Variants in SPNS2 observed in about 807,000 individuals in gnomAD.
SPNS2 encodes the protein sphingosine-1-phosphate transporter SPNS2.
A neutral mutation model predicts 57.6 loss-of-function variants in SPNS2; 37 were observed. That is an observed-to-expected ratio of 0.64 (90% CI 0.49 to 0.85). The LOEUF (loss-of-function observed/expected upper bound fraction) is 0.85, where lower values mean the gene tolerates loss of function less well. SPNS2 is among the 40% of genes least tolerant of loss of function. The pLI is 0.00. For synonymous variants in SPNS2, 440 were observed against 346.9 expected, an observed-to-expected ratio of 1.27 and a Z score of -2.98; for missense variants, 831 against 779.1, an observed-to-expected ratio of 1.07 and a Z score of -0.79.
chr17:4,513,427 G>A, intron 2 of SPNS2, 115 bp downstream of exon 2: 1 of 1,128,186 alleles, frequency 8.9e-7, no homozygotes, highest in South Asian at 1.3e-5. Context: ...CTCCTGGAAA[G>A]AGAGTGGGCT....
rs1904806511 is a variant in SPNS2, at chr17:4,510,659, CCCTCCTGCCT to C, written c.371-2580_371-2571del. Among the ~76,000 whole-genome samples the C allele has an allele frequency of 6.6e-6, 1 of 152,166 alleles. No homozygotes were observed. Among genetic ancestry groups the C allele is most frequent in the Non-Finnish European group, 1.5e-5 (1 of 68,020 alleles). On this transcript the variant is annotated intron_variant, in intron 1 of 12. Coordinates refer to ENST00000329078, the MANE Select transcript of SPNS2 (RefSeq NM_001124758.3). This position sits in a 1 kb window ranked among gnomAD's most constrained non-coding sequence, Gnocchi z 4.4. ...CCCTCCTCTGGACTATGGATGGGGA[CCCTCCTGCCT>C]CCTCCTGACTCCGCCCATCCTCTTG... is the stretch of plus-strand genomic sequence containing the variant.
At chr17:4,515,752 G>A (rs1449846951) in intron 2 of SPNS2, among the ~76,000 whole-genome samples, 1 of 152,134 alleles carries the variant, frequency 6.6e-6, no homozygotes, top group African/African-American at 2.4e-5. Flanking sequence ...TGCTTGCCCA[G>A]ATCAAAGGGC....
chr17:4,533,235 C>A lies in SPNS2; in HGVS notation c.1089-8C>A. 1 of 1,593,452 alleles carries A rather than the reference C, an allele frequency of 6.3e-7. No homozygotes were observed. Among genetic ancestry groups the A allele is most frequent in the East Asian group, 2.2e-5 (1 of 44,518 alleles). On this transcript the variant is annotated splice_polypyrimidine_tract_variant and splice_region_variant and intron_variant, in intron 7 of 12. Coordinates refer to ENST00000329078, the MANE Select transcript of SPNS2 (RefSeq NM_001124758.3). ...CAACTCGTGCGCCACCATCCTCTGTCCCCACAGCCTCATCTTTGGGGCCAT... is the reference window on the plus strand; with the variant it reads ...CAACTCGTGCGCCACCATCCTCTGTACCCACAGCCTCATCTTTGGGGCCAT...
At chr17:4,535,806 C>T (rs1015531047) in intron 9 of SPNS2, among the ~76,000 whole-genome samples, 9 of 151,864 alleles carry the variant, frequency 5.9e-5, no homozygotes, top group Non-Finnish European at 1.0e-4. Context: ...TGTGGAAGCC[C>T]CTGGGGTGAG....
chr17:4,537,531 G>GC lies in SPNS2; in HGVS notation c.*87dup, dbSNP rs1567599007. On this transcript the variant is annotated 3_prime_UTR_variant, in exon 13 of 13. Coordinates refer to ENST00000329078, the MANE Select transcript of SPNS2 (RefSeq NM_001124758.3). ...TACAGCGTCCGGGACCGGCTGGGCT[G>GC]CCCCAAAGCTTTCTGTGTGATCCAC... is the stretch of plus-strand genomic sequence containing the variant. 4 of 456,818 alleles carry GC rather than the reference G, an allele frequency of 8.8e-6. No homozygotes were observed. Among genetic ancestry groups the GC allele is most frequent in the South Asian group, 4.6e-5 (3 of 64,574 alleles). The allele number at this position is 456,818 out of a possible 1,614,324, so 28.3% of individuals were successfully genotyped here.
At chr17:4,501,527 GCCTC>G (rs944454743) in intron 1 of SPNS2, among the ~76,000 whole-genome samples, 5 of 152,076 alleles carry the variant, frequency 3.3e-5, no homozygotes, top group African/African-American at 4.8e-5. Flanking sequence ...CCTGGGCTGT[GCCTC>G]CCTCCCTCTC....
chr17:4,503,892 C>T (rs900713146), intron 1 of SPNS2, among the ~76,000 whole-genome samples: 2 of 151,886 alleles, frequency 1.3e-5, no homozygotes, highest in African/African-American at 4.8e-5. Flanking sequence ...GCTGGGAACA[C>T]AAGCCGAGAG....
At chr17:4,530,805 G>GTCTGGGTGAGGA in intron 4 of SPNS2, 22 bp downstream of exon 4, 1 of 1,605,328 alleles carries the variant, frequency 6.2e-7, no homozygotes, top group Non-Finnish European at 8.5e-7. Context: ...AGATGCCAGG[G>GTCTGGGTGAGGA]TCTGGGTGAG....
In SPNS2 at chr17:4,530,622, C is replaced by G. The variant is rs375044616; in HGVS notation, c.574-10C>G. The G allele has an allele frequency of 1.2e-6, 2 of 1,609,128 alleles. No homozygotes were observed. The highest frequency in any genetic ancestry group is 3.4e-5 in the Admixed American group (2 of 59,596). On this transcript the variant is annotated splice_polypyrimidine_tract_variant and intron_variant, in intron 3 of 12. Coordinates refer to ENST00000329078, the MANE Select transcript of SPNS2 (RefSeq NM_001124758.3). ...GTCGGTCCCCCAGCATCCTCCACCCCTCCTCACAGTACTTCTGGCTGCTGG... is the reference window on the plus strand; with the variant it reads ...GTCGGTCCCCCAGCATCCTCCACCCGTCCTCACAGTACTTCTGGCTGCTGG...
chr17:4,517,892 TG>T (rs1359324772), intron 2 of SPNS2, among the ~76,000 whole-genome samples: 1 of 152,140 alleles, frequency 6.6e-6, no homozygotes, highest in Non-Finnish European at 1.5e-5. Flanking sequence ...GTGAAAAATA[TG>T]TATTAAAATA....
intron 3 of SPNS2, among the ~76,000 whole-genome samples, chr17:4,526,170 C>G (rs150175729): frequency 1.3e-5 from 2 of 152,152 alleles, no homozygotes; most frequent in Non-Finnish European, 2.9e-5. Context: ...TCTTGAAATC[C>G]GTGGGGTCAG....
At chr17:4,536,746 C>T in intron 11 of SPNS2, 154 bp from the exon 12 acceptor site, 2 of 690,968 alleles carry the variant, frequency 2.9e-6, no homozygotes, top group East Asian at 2.7e-5. Flanking sequence ...TCTCCTCTCC[C>T]CACCCCTGGG....
intron 3 of SPNS2, among the ~76,000 whole-genome samples, chr17:4,530,164 C>T (rs1411715216): frequency 2.0e-5 from 3 of 152,048 alleles, no homozygotes; most frequent in Non-Finnish European, 4.4e-5. Flanking sequence ...CCCCACTCCC[C>T]ACTCCCCACT....
At chr17:4,537,138 C>T (rs899060716) in intron 12 of SPNS2, among the ~76,000 whole-genome samples, 192 bp downstream of exon 12, 2 of 152,248 alleles carry the variant, frequency 1.3e-5, no homozygotes, top group African/African-American at 4.8e-5. Flanking sequence ...CTGCTCCTTC[C>T]AGTAAATTAG....
chr17:4,523,780 C>A (rs1322445602), intron 2 of SPNS2, among the ~76,000 whole-genome samples: 1 of 152,190 alleles, frequency 6.6e-6, no homozygotes, highest in Non-Finnish European at 1.5e-5. Context: ...TGCTCTCACA[C>A]ACACCCTTCC....
At chr17:4,524,970 A>C in intron 2 of SPNS2, 87 bp from the exon 3 acceptor site, 1 of 1,549,688 alleles carries the variant, frequency 6.5e-7, no homozygotes. Context: ...TGCTCCACAG[A>C]CTCTTGGCCC....
intron 3 of SPNS2, among the ~76,000 whole-genome samples, chr17:4,526,238 G>A (rs1487040458): frequency 2.0e-5 from 3 of 152,184 alleles, no homozygotes; most frequent in Non-Finnish European, 4.4e-5. Flanking sequence ...GTGAGATCAG[G>A]CCTTTTGGTG....
intron 2 of SPNS2, 67 bp downstream of exon 2, chr17:4,513,379 T>A: frequency 6.5e-7 from 1 of 1,547,836 alleles, no homozygotes; most frequent in Non-Finnish European, 8.9e-7. Flanking sequence ...GTCCTGTTGG[T>A]CGTCATCTGC....
At chr17:4,532,144 A>G (rs1338483511) in intron 5 of SPNS2, among the ~76,000 whole-genome samples, 1 of 137,796 alleles carries the variant, frequency 7.3e-6, no homozygotes, top group Non-Finnish European at 1.6e-5. Context: ...CCGTTCATCC[A>G]TCTGTCCATC....
Sources: allele counts gnomAD v4.1 joint callset (sites outside exome capture counted in the v4.1 genomes callset), GRCh38; gene constraint gnomAD v4.1.1; non-coding constraint Gnocchi (gnomAD v3.1); transcripts MANE v1.5; gene names NCBI Gene and HGNC (gene_info 2026-07-23, HGNC 2026-07-21).